CAMTA1: variants seen among roughly 807,000 people sequenced by gnomAD.
The protein encoded by CAMTA1 is calmodulin binding transcription activator 1, also known as calmodulin-binding transcription activator 1.
A neutral mutation model predicts 170.9 loss-of-function variants in CAMTA1; 27 were observed. The ratio of observed to expected loss-of-function variants is 0.16; its 90% confidence interval spans 0.12 to 0.22. The LOEUF (loss-of-function observed/expected upper bound fraction) is 0.22, where lower values mean the gene tolerates loss of function less well. CAMTA1 is among the 10% of genes least tolerant of loss of function. CAMTA1 has a pLI of 1.00. For missense variants in CAMTA1, 1,619 were observed against 2,217.2 expected (o/e 0.73, Z 5.42); for synonymous variants, 833 against 891.5 (o/e 0.93, Z 1.17).
At chr1:7,489,253 A>G (rs1164491448) in intron 6 of CAMTA1, among the ~76,000 whole-genome samples, 2 of 152,244 alleles carry the variant, frequency 1.3e-5, no homozygotes, top group African/African-American at 4.8e-5. Flanking sequence ...AGATGCTGAA[A>G]AAGATTCAAC....
intron 4 of CAMTA1, among the ~76,000 whole-genome samples, chr1:7,210,712 G>A (rs1438787496): frequency 6.6e-6 from 1 of 152,062 alleles, no homozygotes; most frequent in Non-Finnish European, 1.5e-5. Context: ...TTAGTACTCT[G>A]TACCAAATTG....
chr1:6,932,123 A>G (rs1167851401), intron 3 of CAMTA1, among the ~76,000 whole-genome samples: 1 of 152,208 alleles, frequency 6.6e-6, no homozygotes, highest in Non-Finnish European at 1.5e-5. Context: ...AATCAAGATA[A>G]TGAACGTACC....
rs139919328 is a variant in CAMTA1, at chr1:7,284,535, A to T, written c.438+34909A>T. On this transcript the variant is annotated intron_variant, in intron 5 of 22. Coordinates refer to ENST00000303635, the MANE Select transcript of CAMTA1 (RefSeq NM_015215.4). ...TTTATTTTGCTATTGTTATCTGTAA[A>T]ATAGAGACTGTAGTGAGAAACACAT... Among the ~76,000 whole-genome samples, 540 of 152,250 alleles carry T rather than the reference A, an allele frequency of 3.5e-3. 8 individuals carry two copies. Among genetic ancestry groups the T allele is most frequent in the Admixed American group, 0.024 (366 of 15,276 alleles).
chr1:7,669,097 C>G (rs1270715424), intron 9 of CAMTA1, among the ~76,000 whole-genome samples: 1 of 152,174 alleles, frequency 6.6e-6, no homozygotes, highest in Non-Finnish European at 1.5e-5. Flanking sequence ...GAGATGCCAC[C>G]CAGAGAGGCT....
rs532676536 is a variant in CAMTA1, at chr1:6,911,318, A to T, written c.234+86108A>T. 2.0e-5 allele frequency among the ~76,000 whole-genome samples: 3 copies of T among 152,242 alleles called. No individual in the cohort carries two copies. In the East Asian group the frequency reaches 5.8e-4, roughly 29 times the overall value. ...GAAGAAGCCCACTGGAGCTGAGAGG[A>T]CAGTACCTGGTGTCAGCTCCTTCGA... On this transcript the variant is annotated intron_variant, in intron 3 of 22. Coordinates refer to ENST00000303635, the MANE Select transcript of CAMTA1 (RefSeq NM_015215.4).
intron 3 of CAMTA1, among the ~76,000 whole-genome samples, chr1:6,886,744 T>G (rs1191262425): frequency 6.6e-6 from 1 of 152,236 alleles, no homozygotes; most frequent in Non-Finnish European, 1.5e-5. Flanking sequence ...ATGAGCACAG[T>G]GTGGAGTGTT....
Position 7,680,872 on chromosome 1 carries a change from A to AGCTGCAGCAGCAGCTGCT in CAMTA1, c.2914+3141_2914+3142insTGCAGCAGCAGCTGCTGC, listed in dbSNP as rs1553247154. Among the ~76,000 whole-genome samples the AGCTGCAGCAGCAGCTGCT allele has an allele frequency of 1.4e-5, 2 of 146,262 alleles. No homozygotes were observed. The highest frequency in any genetic ancestry group is 5.0e-5 in the African/African-American group (2 of 39,694). ...CGCGCGCGCGCGCGCCAGCAGCAGCAGCAGCAGCAGCTGCTGCGGCGAAGT... is the reference window on the plus strand; with the variant it reads ...CGCGCGCGCGCGCGCCAGCAGCAGCAGCTGCAGCAGCAGCTGCTGCAGCAGCAGCTGCTGCGGCGAAGT... On this transcript the variant is annotated intron_variant, in intron 11 of 22. Transcript: ENST00000303635. This position sits in a 1 kb window ranked among gnomAD's most constrained non-coding sequence, Gnocchi z 4.4.
intron 3 of CAMTA1, among the ~76,000 whole-genome samples, chr1:6,933,528 G>A (rs1268622383): frequency 1.3e-5 from 2 of 152,148 alleles, no homozygotes; most frequent in African/African-American, 2.4e-5. Context: ...CCAAAGTGCT[G>A]TGATTACAGG....
At position 7,272,966 on chromosome 1, in the gene CAMTA1, G is replaced by A. The variant is rs142589113; in HGVS notation, c.438+23340G>A. Among the ~76,000 whole-genome samples the A allele has an allele frequency of 5.3e-4, 81 of 152,194 alleles. 3 individuals are homozygous for A. Among genetic ancestry groups the A allele is most frequent in the African/African-American group, 1.8e-3 (76 of 41,550 alleles). Reference sequence around the variant, plus strand: ...TAATTTGAATAGATATTTCCCCAAAGAAGATATATGAATAGCCAATTAACA... The same window carrying A: ...TAATTTGAATAGATATTTCCCCAAAAAAGATATATGAATAGCCAATTAACA... On this transcript the variant is annotated intron_variant, in intron 5 of 22. Transcript: ENST00000303635.
intron 4 of CAMTA1, among the ~76,000 whole-genome samples, chr1:7,163,149 G>A (rs1420031566): frequency 6.6e-6 from 1 of 151,968 alleles, no homozygotes; most frequent in Non-Finnish European, 1.5e-5. Context: ...GTGGTTGGAA[G>A]TCCTGCTCAG....
intron 6 of CAMTA1, among the ~76,000 whole-genome samples, chr1:7,522,075 C>T (rs1045579030): frequency 1.3e-5 from 2 of 152,192 alleles, no homozygotes; most frequent in African/African-American, 2.4e-5. Context: ...CCTGCCAAAC[C>T]GTGTGCCAGA....
chr1:6,984,340 A>G (rs115787646), intron 3 of CAMTA1, among the ~76,000 whole-genome samples: 2,705 of 152,128 alleles, frequency 0.018, 75 homozygotes, highest in African/African-American at 0.062. Flanking sequence ...TGAAAATGGC[A>G]GCACATTGCC....
At chr1:6,941,395 C>G (rs763675982) in intron 3 of CAMTA1, among the ~76,000 whole-genome samples, 26 of 152,306 alleles carry the variant, frequency 1.7e-4, no homozygotes, top group Non-Finnish European at 3.1e-4. Context: ...CCGAGTCCCT[C>G]AGAGGCCAGG....
intron 4 of CAMTA1, chr1:7,142,038 C>T (rs1573403618): frequency 2.0e-6 from 1 of 511,504 alleles, no homozygotes; most frequent in Non-Finnish European, 3.9e-6. Context: ...ACGCTAGCTT[C>T]CTCTGTGCTG....
At chr1:7,445,536 C>T (rs567795492) in intron 5 of CAMTA1, among the ~76,000 whole-genome samples, 162 of 152,104 alleles carry the variant, frequency 1.1e-3, no homozygotes, top group Admixed American at 2.5e-3. Context: ...TGACCCTGGA[C>T]GGGGGAGGGG....
chr1:6,883,163 G>T (rs1414066280), intron 3 of CAMTA1, among the ~76,000 whole-genome samples: 1 of 152,112 alleles, frequency 6.6e-6, no homozygotes, highest in East Asian at 1.9e-4. Flanking sequence ...CAAAATGCTG[G>T]GATTACAGGT....
chr1:6,807,637 T>C (rs906401046), intron 1 of CAMTA1, among the ~76,000 whole-genome samples: 1 of 151,704 alleles, frequency 6.6e-6, no homozygotes, highest in African/African-American at 2.4e-5. Flanking sequence ...GGAGAATCGC[T>C]TGAATCCAGG....
At chr1:7,274,485 T>A (rs1031749831) in intron 5 of CAMTA1, among the ~76,000 whole-genome samples, 3 of 152,206 alleles carry the variant, frequency 2.0e-5, no homozygotes, top group Non-Finnish European at 4.4e-5. Flanking sequence ...GAAGAATGGA[T>A]AAATTTCACA....
At chr1:7,241,612 A>G (rs1158164589) in intron 4 of CAMTA1, among the ~76,000 whole-genome samples, 2 of 152,248 alleles carry the variant, frequency 1.3e-5, no homozygotes, top group African/African-American at 4.8e-5. Context: ...ATGGAACAGA[A>G]GAGAAAGTTC....
Sources: allele counts gnomAD v4.1 joint callset (sites outside exome capture counted in the v4.1 genomes callset), GRCh38; gene constraint gnomAD v4.1.1; non-coding constraint Gnocchi (gnomAD v3.1); transcripts MANE v1.5; gene names NCBI Gene and HGNC (gene_info 2026-07-23, HGNC 2026-07-21).